ATG13: variants seen among roughly 807,000 people sequenced by gnomAD.
ATG13 encodes the protein autophagy-related protein 13.
Under a neutral mutation model 65.5 loss-of-function variants are expected in ATG13, and 23 were observed. The observed-to-expected ratio is 0.35, with a 90% CI of 0.25 to 0.50. ATG13 has a LOEUF of 0.50. ATG13 is among the 20% of genes least tolerant of loss of function. The pLI is 0.98. For missense variants in ATG13, 566 were observed against 677.0 expected (o/e 0.84, Z 1.82); for synonymous variants, 252 against 245.2 (o/e 1.03, Z -0.26).
intron 1 of ATG13, among the ~76,000 whole-genome samples, chr11:46,619,944 G>A (rs1409122891): frequency 1.3e-5 from 2 of 149,074 alleles, no homozygotes; most frequent in Admixed American, 1.3e-4. Context: ...CAGGAGAATC[G>A]CTTGAACCCA....
At chr11:46,669,671 CTT>C in intron 18 of ATG13, 139 bp downstream of exon 18, 7 of 1,122,254 alleles carry the variant, frequency 6.2e-6, no homozygotes, top group Non-Finnish European at 8.7e-6. Flanking sequence ...TTTGATCACT[CTT>C]GAGATTGGCA....
At chr11:46,636,432 C>T (rs1412981685) in intron 2 of ATG13, among the ~76,000 whole-genome samples, 1 of 151,964 alleles carries the variant, frequency 6.6e-6, no homozygotes, top group Non-Finnish European at 1.5e-5. Flanking sequence ...GTGGCAAGCA[C>T]CTGTAGTCCC....
intron 11 of ATG13, among the ~76,000 whole-genome samples, chr11:46,661,183 A>C (rs948947376): frequency 2.6e-5 from 4 of 152,112 alleles, no homozygotes; most frequent in Non-Finnish European, 5.9e-5. Context: ...AAAATTAAAA[A>C]ATTTTTTCCA....
chr11:46,644,495 G>T, intron 3 of ATG13, 135 bp downstream of exon 3: 1 of 702,798 alleles, frequency 1.4e-6, no homozygotes, highest in Non-Finnish European at 2.3e-6. Flanking sequence ...TCTGTCTGTT[G>T]TCAACCAAAC....
At chr11:46,634,018 T>C (rs1472025281) in intron 2 of ATG13, among the ~76,000 whole-genome samples, 1 of 152,206 alleles carries the variant, frequency 6.6e-6, no homozygotes, top group Non-Finnish European at 1.5e-5. Context: ...CTAGACTCTT[T>C]GCTGAAAGTG....
chr11:46,673,965 T>C lies in ATG13; in HGVS notation c.*1633T>C, dbSNP rs888720033. The C allele has an allele frequency of 6.6e-6, 1 of 152,224 alleles. No homozygotes were observed. Among genetic ancestry groups the C allele is most frequent in the Non-Finnish European group, 1.5e-5 (1 of 68,068 alleles). 9.4% of individuals were successfully genotyped at this position (152,224 alleles called of 1,614,324 possible). On this transcript the variant is annotated 3_prime_UTR_variant, in exon 19 of 19. Coordinates refer to ENST00000683050, the MANE Select transcript of ATG13 (RefSeq NM_001346311.2). Reference sequence around the variant, plus strand: ...CTCTGGCGGGGACCAGAGCTCTGCGTGCTGCTGCTGCCACCAAGAAGTGTT... The same window carrying C: ...CTCTGGCGGGGACCAGAGCTCTGCGCGCTGCTGCTGCCACCAAGAAGTGTT...
chr11:46,640,192 G>T (rs1467427860), intron 2 of ATG13, among the ~76,000 whole-genome samples: 1 of 152,168 alleles, frequency 6.6e-6, no homozygotes, highest in Non-Finnish European at 1.5e-5. Context: ...ACATCAGGGA[G>T]CCTGTCTGTA....
intron 1 of ATG13, among the ~76,000 whole-genome samples, chr11:46,621,876 T>A (rs1243878540): frequency 6.6e-6 from 1 of 151,764 alleles, no homozygotes; most frequent in African/African-American, 2.4e-5. Flanking sequence ...TGGCATCAGA[T>A]TTTCCTTACA....
chr11:46,669,568 T>C, intron 18 of ATG13, 36 bp downstream of exon 18: 1 of 1,608,446 alleles, frequency 6.2e-7, no homozygotes, highest in South Asian at 1.1e-5. Flanking sequence ...AGTGCATCCT[T>C]ATTTGATGGT....
chr11:46,665,452 G>C lies in ATG13; in HGVS notation c.1069G>C (p.Asp357His). 1 of 1,614,208 alleles carries C rather than the reference G, an allele frequency of 6.2e-7. No individual in the cohort carries two copies. The highest frequency in any genetic ancestry group is 1.1e-5 in the South Asian group (1 of 91,084). ...PNQPVHGTQA[D>H]QERLATCTPS... ...CCAGCCTGTCCATGGTACCCAGGCT[G>C]ACCAGGAGAGACTGGCAACCTGCAC... is the stretch of plus-strand genomic sequence containing the variant. The change falls in exon 14 of 19, where the codon GAC becomes CAC. Residue 357 changes from aspartate (D) to histidine (H), a missense_variant. By Grantham distance (81) the Asp-to-His change is moderately conservative (BLOSUM62 -1). This residue lies in a region of ATG13 where 387 missense variants were observed against 409.8 expected (regional missense o/e 0.94). Transcript: ENST00000683050.
intron 2 of ATG13, among the ~76,000 whole-genome samples, chr11:46,639,325 G>A (rs899071192): frequency 6.6e-6 from 1 of 152,152 alleles, no homozygotes; most frequent in Non-Finnish European, 1.5e-5. Flanking sequence ...CATTTAGGGT[G>A]ATTCTGTATC....
intron 3 of ATG13, 38 bp downstream of exon 3, chr11:46,644,398 A>G: frequency 6.6e-7 from 1 of 1,520,998 alleles, no homozygotes; most frequent in Non-Finnish European, 9.0e-7. Context: ...AACTGTTAGA[A>G]ATAACTTCCG....
At chr11:46,667,924 G>A (rs773854541) in intron 15 of ATG13, 37 bp downstream of exon 15, 2 of 1,516,618 alleles carry the variant, frequency 1.3e-6, no homozygotes, top group Admixed American at 3.4e-5. Flanking sequence ...GAGAATGTCT[G>A]AGTTCTTAGA....
intron 2 of ATG13, among the ~76,000 whole-genome samples, chr11:46,642,901 A>G (rs1268867701): frequency 2.0e-5 from 3 of 152,190 alleles, no homozygotes; most frequent in Admixed American, 6.5e-5. Flanking sequence ...TCTGGCCCCA[A>G]CCAGCTGTAT....
At chr11:46,665,767 G>C (rs1239060276) in intron 14 of ATG13, among the ~76,000 whole-genome samples, 1 of 145,908 alleles carries the variant, frequency 6.9e-6, no homozygotes, top group Admixed American at 6.8e-5. Flanking sequence ...AATATAGTGA[G>C]ACTCTGTCTC....
Position 46,669,412 on chromosome 11 carries a change from T to G in ATG13, c.1455T>G (p.Ala485=). 2 of 1,614,100 alleles carry G rather than the reference T, an allele frequency of 1.2e-6. No homozygotes were observed. Among genetic ancestry groups the G allele is most frequent in the Non-Finnish European group, 1.7e-6 (2 of 1,179,970 alleles). ...DDFVMIDFKP[A]FSKDDILPMD... ...CTGTCTTGTTTTTGAAGAAACCAGCTTTTTCTAAAGATGACATTCTTCCGA... is the reference window on the plus strand; with the variant it reads ...CTGTCTTGTTTTTGAAGAAACCAGCGTTTTCTAAAGATGACATTCTTCCGA... The change falls in exon 18 of 19, where the codon GCT becomes GCG. Residue 485 remains alanine, a synonymous_variant. Transcript: ENST00000683050.
At chr11:46,670,783 G>A (rs1239674268) in intron 18 of ATG13, among the ~76,000 whole-genome samples, 1 of 152,012 alleles carries the variant, frequency 6.6e-6, no homozygotes, top group Admixed American at 6.6e-5. Flanking sequence ...ACTGCCTCTA[G>A]CCTAGGTGAC....
rs113286061 is a variant in ATG13, at chr11:46,657,689, C to T, written c.695+67C>T. The T allele has an allele frequency of 8.0e-5, 109 of 1,368,142 alleles. No individual in the cohort carries two copies. The African/African-American group carries it at 1.3e-3, about 17-fold the overall frequency. The allele number at this position is 1,368,142 out of a possible 1,614,324, so 84.8% of individuals were successfully genotyped here. On this transcript the variant is annotated intron_variant, in intron 10 of 18. Transcript: ENST00000683050. ...CAGAAGCATCCATCCTGCACAAGCA[C>T]ATGGAACACTTTTCTCAGCACTCAC...
At position 46,644,332 on chromosome 11, in the gene ATG13, A is replaced by G. The variant is rs757216241; in HGVS notation, c.41A>G (p.Asp14Gly). The G allele has an allele frequency of 2.5e-6, 4 of 1,611,192 alleles. No individual in the cohort carries two copies. Among genetic ancestry groups the G allele is most frequent in the Non-Finnish European group, 3.4e-6 (4 of 1,179,266 alleles). Residue 14 changes from aspartate (D) to glycine (G), a missense_variant, in exon 3 of 19, where the codon GAC becomes GGC. This residue lies in a region of ATG13 where 179 missense variants were observed against 267.2 expected (regional missense o/e 0.67). Coordinates refer to ENST00000683050, the MANE Select transcript of ATG13 (RefSeq NM_001346311.2). The stretch of plus-strand genomic sequence containing the variant: ...AATTCCCAGGACAGAAAGGACCTGG[A>G]CAAGTTTATTAAATTTTTTGCCCTC... ...DLNSQDRKDL[D>G]KFIKFFALKT...
Sources: allele counts gnomAD v4.1 joint callset (sites outside exome capture counted in the v4.1 genomes callset), GRCh38; gene constraint gnomAD v4.1.1; regional missense constraint gnomAD v4.1.1; transcripts MANE v1.5; gene names NCBI Gene and HGNC (gene_info 2026-07-23, HGNC 2026-07-21).